Variants in CCR6 observed in about 807,000 individuals in gnomAD.
The protein encoded by CCR6 is C-C chemokine receptor type 6.
A neutral mutation model predicts 3.0 loss-of-function variants in CCR6; 2 were observed. The observed-to-expected ratio is 0.66, with a 90% CI of 0.27 to 2.07. CCR6 has a LOEUF of 2.07. Ranked by LOEUF, CCR6 falls within the 30% of genes most tolerant of loss-of-function variation. The probability of loss-of-function intolerance (pLI) is 0.14; values close to 1 mark genes in which losing one functional copy is unlikely to be tolerated. For missense variants in CCR6, 322 were observed against 462.8 expected (o/e 0.70, Z 2.79); for synonymous variants, 193 against 184.3 (o/e 1.05, Z -0.38).
At chr6:167,120,000 G>T (rs1781561783), upstream of CCR6, among the ~76,000 whole-genome samples, 1 of 152,092 alleles carries the variant, frequency 6.6e-6, no homozygotes, top group Admixed American at 6.5e-5. Flanking sequence ...AATTTGTTTT[G>T]TTTTTTAAAA....
chr6:167,123,898 G>C (rs571341730), intron 1 of CCR6, among the ~76,000 whole-genome samples: 1 of 152,192 alleles, frequency 6.6e-6, no homozygotes, highest in Non-Finnish European at 1.5e-5. Context: ...TATCAGCTGA[G>C]GTCAGGAGTT....
chr6:167,136,864 C>T lies in CCR6; in HGVS notation c.634C>T (p.Leu212=). The T allele has an allele frequency of 1.2e-6, 2 of 1,614,190 alleles. No homozygotes were observed. Among genetic ancestry groups the T allele is most frequent in the Non-Finnish European group, 1.7e-6 (2 of 1,180,032 alleles). The change falls in exon 3 of 3, where the codon CTG becomes TTG. Residue 212 remains leucine, a synonymous_variant. Coordinates refer to ENST00000341935, the MANE Select transcript of CCR6 (RefSeq NM_031409.4). The surrounding 1 kb of genome is among the most constrained non-coding windows in gnomAD (Gnocchi z 4.6). ...QTVSEPIRWK[L]LMLGLELLFG... ...TGTCTCGGAGCCCATCAGGTGGAAG[C>T]TGCTGATGTTGGGGCTTGAGCTACT... is the stretch of plus-strand genomic sequence containing the variant.
intron 1 of CCR6, 31 bp downstream of exon 1, chr6:167,123,254 T>C (rs1174766102): frequency 6.5e-6 from 1 of 152,816 alleles, no homozygotes; most frequent in African/African-American, 2.4e-5. Context: ...GAGACTTTTC[T>C]TTCAAAAATG....
In CCR6 at chr6:167,138,523, T is replaced by A. The variant is rs947464261; in HGVS notation, c.*1168T>A. The A allele has an allele frequency of 6.6e-6, 1 of 152,340 alleles. No homozygotes were observed. Among genetic ancestry groups the A allele is most frequent in the South Asian group, 2.1e-4 (1 of 4,832 alleles). The allele number at this position is 152,340 out of a possible 1,614,324, so 9.4% of individuals were successfully genotyped here. A position where few individuals can be genotyped will look rare whatever the true frequency, so the allele number is the denominator to read the frequency against. On this transcript the variant is annotated 3_prime_UTR_variant, in exon 3 of 3. Coordinates refer to ENST00000341935, the MANE Select transcript of CCR6 (RefSeq NM_031409.4). ...TGATGGAATCAGATTTTAACAGCTCTCTTCAATGACATAGAAAGTTCATGG... is the reference window on the plus strand; with the variant it reads ...TGATGGAATCAGATTTTAACAGCTCACTTCAATGACATAGAAAGTTCATGG...
upstream of CCR6, among the ~76,000 whole-genome samples, chr6:167,120,595 T>C (rs1412044150): frequency 6.6e-6 from 1 of 152,176 alleles, no homozygotes; most frequent in Non-Finnish European, 1.5e-5. Context: ...GCAGATGGCT[T>C]TCCTAGAAAT....
chr6:167,122,548 C>T (rs1175278235), upstream of CCR6, among the ~76,000 whole-genome samples: 1 of 152,216 alleles, frequency 6.6e-6, no homozygotes, highest in African/African-American at 2.4e-5. This position sits in a 1 kb window ranked among gnomAD's most constrained non-coding sequence, Gnocchi z 4.2. Context: ...AGAACCACCT[C>T]TCCTTCAGGC....
rs74635974 is a variant in CCR6, at chr6:167,133,487, C to T, written c.-97-2551C>T. On this transcript the variant is annotated intron_variant, in intron 1 of 2. Coordinates refer to ENST00000341935, the MANE Select transcript of CCR6 (RefSeq NM_031409.4). Reference sequence around the variant, plus strand: ...AACTGTCCTTTCAGAAATCCAACACCGTCATGGTTAGTGTAGTTCCTTGTC... The same window carrying T: ...AACTGTCCTTTCAGAAATCCAACACTGTCATGGTTAGTGTAGTTCCTTGTC... Among the ~76,000 whole-genome samples the T allele has an allele frequency of 1.6e-4, 25 of 152,244 alleles. No homozygotes were observed. The East Asian group carries it at 2.3e-3, about 14-fold the overall frequency.
chr6:167,127,222 A>T (rs1781680987), intron 1 of CCR6: 1 of 152,186 alleles, frequency 6.6e-6, no homozygotes, highest in South Asian at 2.1e-4. Context: ...CACGATAATC[A>T]CACACTGCAG....
chr6:167,112,970 G>A (rs1781438286), intron 1 of CCR6, among the ~76,000 whole-genome samples: 1 of 151,876 alleles, frequency 6.6e-6, no homozygotes. Flanking sequence ...ACTGTGTTGT[G>A]GGTGAATGCA....
chr6:167,130,301 C>T (rs959253440), intron 1 of CCR6, among the ~76,000 whole-genome samples: 3 of 151,806 alleles, frequency 2.0e-5, no homozygotes, highest in Non-Finnish European at 2.9e-5. Context: ...CATCTCTCAT[C>T]TGCCACTCGT....
intron 1 of CCR6, among the ~76,000 whole-genome samples, chr6:167,129,000 A>G (rs1333986595): frequency 3.9e-5 from 6 of 152,228 alleles, no homozygotes; most frequent in African/African-American, 1.2e-4. Flanking sequence ...TATATTAATT[A>G]TCTTTTTAGG....
chr6:167,117,426 T>C (rs1342196702), intron 1 of CCR6, among the ~76,000 whole-genome samples: 2 of 142,970 alleles, frequency 1.4e-5, no homozygotes, highest in Non-Finnish European at 3.1e-5. Context: ...TTTTTTTTTT[T>C]TTTTTTTTGA....
chr6:167,136,149 A>G lies in CCR6; in HGVS notation c.9+6A>G, dbSNP rs1460152515. On this transcript the variant is annotated splice_donor_region_variant and intron_variant, in intron 2 of 2. Transcript: ENST00000341935. This position sits in a 1 kb window ranked among gnomAD's most constrained non-coding sequence, Gnocchi z 4.6. ...TTCTGCCCACAATGAGCGGGGTAAG[A>G]TTTTTATTTTTGGCAAGGGGTATAA... The G allele has an allele frequency of 6.2e-7, 1 of 1,613,688 alleles. No homozygotes were observed. Among genetic ancestry groups the G allele is most frequent in the East Asian group, 2.2e-5 (1 of 44,832 alleles).
chr6:167,117,316 C>T (rs910197412), intron 1 of CCR6, among the ~76,000 whole-genome samples: 1 of 151,458 alleles, frequency 6.6e-6, no homozygotes, highest in Admixed American at 6.6e-5. Flanking sequence ...GGGATCTGGG[C>T]TGAGGGAATG....
intron 1 of CCR6, among the ~76,000 whole-genome samples, chr6:167,132,953 C>T (rs768929454): frequency 1.3e-5 from 2 of 152,150 alleles, no homozygotes; most frequent in African/African-American, 2.4e-5. Flanking sequence ...GTTCACATTT[C>T]CCCCTGTTTC....
chr6:167,124,470 T>G (rs946394774), intron 1 of CCR6, among the ~76,000 whole-genome samples: 1 of 152,134 alleles, frequency 6.6e-6, no homozygotes, highest in Non-Finnish European at 1.5e-5. Flanking sequence ...TTAGAGAACA[T>G]AAATGTATTG....
At chr6:167,120,234 TG>T (rs1781565853), upstream of CCR6, among the ~76,000 whole-genome samples, 1 of 152,262 alleles carries the variant, frequency 6.6e-6, no homozygotes, top group Non-Finnish European at 1.5e-5. Context: ...TCGATTGGGC[TG>T]GGGGACTCCC....
At chr6:167,112,785 C>G (rs560126999) in intron 1 of CCR6, among the ~76,000 whole-genome samples, 2 of 152,192 alleles carry the variant, frequency 1.3e-5, no homozygotes, top group East Asian at 1.9e-4. Flanking sequence ...GGGGGAGACA[C>G]AGAGAAGCCC....
intron 1 of CCR6, among the ~76,000 whole-genome samples, chr6:167,133,643 C>A (rs1216124949): frequency 6.7e-6 from 1 of 150,266 alleles, no homozygotes; most frequent in Non-Finnish European, 1.5e-5. Context: ...AAAAAAAAAA[C>A]CCTACCATAA....
Sources: gnomAD v4.1 joint callset for allele counts (sites outside exome capture counted in the v4.1 genomes callset) on GRCh38, gnomAD v4.1.1 for gene constraint, Gnocchi (gnomAD v3.1) non-coding constraint, MANE v1.5 for transcripts, NCBI Gene and HGNC (gene_info 2026-07-23, HGNC 2026-07-21) for gene names.